KCNG2: variants seen among roughly 807,000 people sequenced by gnomAD.
KCNG2 encodes the protein potassium voltage-gated channel modifier subfamily G member 2.
KCNG2 carries 7 observed loss-of-function variants against 12.3 expected under a neutral mutation model. The observed-to-expected ratio is 0.57, with a 90% CI of 0.32 to 1.07. KCNG2 has a LOEUF of 1.07. Ranked by LOEUF, KCNG2 falls within the 50% of genes least tolerant of loss-of-function variation. The pLI is 0.04. For synonymous variants in KCNG2, 414 were observed against 351.4 expected (o/e 1.18, Z -1.99); for missense variants, 703 against 726.0 (o/e 0.97, Z 0.36).
At chr18:79,883,378 G>T (rs1006876054) in intron 3 of KCNG2, among the ~76,000 whole-genome samples, 2 of 152,236 alleles carry the variant, frequency 1.3e-5, no homozygotes, top group African/African-American at 4.8e-5. Context: ...ATAAAGCTGA[G>T]CTCTGATGAG....
intron 3 of KCNG2, among the ~76,000 whole-genome samples, chr18:79,880,622 A>C (rs549560794): frequency 6.6e-6 from 1 of 152,304 alleles, no homozygotes; most frequent in South Asian, 2.1e-4. Context: ...TACTCCTCTG[A>C]TACCAAACCA....
intron 3 of KCNG2, among the ~76,000 whole-genome samples, chr18:79,870,406 G>A (rs934834561): frequency 6.6e-6 from 1 of 152,096 alleles, no homozygotes; most frequent in African/African-American, 2.4e-5. Flanking sequence ...GCTGGTGGAT[G>A]TGGCCTGGTG....
chr18:79,836,159 CA>C (rs1568251362), intron 1 of KCNG2, among the ~76,000 whole-genome samples: 1 of 152,050 alleles, frequency 6.6e-6, no homozygotes, highest in African/African-American at 2.4e-5. Flanking sequence ...ACAATATAGG[CA>C]GGTTGAAAAT....
intron 1 of KCNG2, among the ~76,000 whole-genome samples, chr18:79,839,554 T>A (rs1175312439): frequency 6.6e-6 from 1 of 152,186 alleles, no homozygotes; most frequent in Non-Finnish European, 1.5e-5. Context: ...CTATAACTGT[T>A]AATAAACTTG....
chr18:79,896,889 A>G (rs1486585948), intron 3 of KCNG2, among the ~76,000 whole-genome samples: 1 of 152,126 alleles, frequency 6.6e-6, no homozygotes, highest in African/African-American at 2.4e-5. Flanking sequence ...TCCTTTGAGC[A>G]CTTTGGATGT....
chr18:79,894,556 A>T lies in KCNG2; in HGVS notation c.625-4484A>T, dbSNP rs533036318. 2.0e-5 allele frequency among the ~76,000 whole-genome samples: 3 copies of T among 150,520 alleles called. No homozygotes were observed. The East Asian group carries it at 6.0e-4, about 30-fold the overall frequency. ...TCACTCCATTCATAACGATTGATAT[A>T]GTTGGGTCTGTGTCTGCTTTTGATT... On this transcript the variant is annotated intron_variant, in intron 3 of 3. Coordinates refer to ENST00000316249, the MANE Select transcript of KCNG2 (RefSeq NM_012283.2).
At chr18:79,883,712 G>C (rs74478968) in intron 3 of KCNG2, among the ~76,000 whole-genome samples, 49 of 152,342 alleles carry the variant, frequency 3.2e-4, no homozygotes, top group Non-Finnish European at 6.3e-4. Flanking sequence ...GTCTGGTAAA[G>C]GTGAGGATGT....
intron 1 of KCNG2, among the ~76,000 whole-genome samples, chr18:79,851,285 G>A (rs1195238377): frequency 1.3e-5 from 2 of 152,144 alleles, no homozygotes; most frequent in Non-Finnish European, 2.9e-5. Context: ...AGCAAAATTG[G>A]GAATGCTTCT....
chr18:79,879,121 T>C (rs1980195043), intron 3 of KCNG2, among the ~76,000 whole-genome samples: 1 of 152,164 alleles, frequency 6.6e-6, no homozygotes, highest in Non-Finnish European at 1.5e-5. Flanking sequence ...AACCTGCCCA[T>C]AGACCCCTCC....
chr18:79,848,247 T>C (rs1228627652), intron 1 of KCNG2, among the ~76,000 whole-genome samples: 3 of 152,142 alleles, frequency 2.0e-5, no homozygotes, highest in Non-Finnish European at 4.4e-5. Flanking sequence ...TGGAAGGAAA[T>C]GTTATAATTA....
chr18:79,833,309 G>A (rs142973783), intron 1 of KCNG2, among the ~76,000 whole-genome samples: 218 of 152,094 alleles, frequency 1.4e-3, no homozygotes, highest in African/African-American at 5.0e-3. Flanking sequence ...CTAATTTCTT[G>A]TTTATTTTTT....
chr18:79,828,134 A>C (rs1028826871), intron 1 of KCNG2, among the ~76,000 whole-genome samples: 3 of 152,154 alleles, frequency 2.0e-5, no homozygotes, highest in Non-Finnish European at 4.4e-5. Flanking sequence ...CATGTTGGCC[A>C]GTCTGGTCTT....
intron 3 of KCNG2, among the ~76,000 whole-genome samples, chr18:79,864,962 C>CT: frequency 2.2e-5 from 2 of 90,068 alleles, no homozygotes; most frequent in African/African-American, 6.9e-5. Context: ...GTTCTGTGTG[C>CT]GGAAGTCTGG....
intron 3 of KCNG2, among the ~76,000 whole-genome samples, chr18:79,895,980 T>G (rs1285082922): frequency 6.6e-6 from 1 of 152,240 alleles, no homozygotes; most frequent in Non-Finnish European, 1.5e-5. Context: ...ATGTATTTTT[T>G]TTTGAGATGG....
At chr18:79,821,568 G>A (rs540883252) in intron 1 of KCNG2, among the ~76,000 whole-genome samples, 1 of 152,190 alleles carries the variant, frequency 6.6e-6, no homozygotes. Flanking sequence ...GGGATTACAG[G>A]CGTGAGCCAC....
chr18:79,881,643 G>A (rs773091485), intron 3 of KCNG2, among the ~76,000 whole-genome samples: 6 of 152,186 alleles, frequency 3.9e-5, no homozygotes, highest in South Asian at 2.1e-4. Flanking sequence ...GTGCTCACGC[G>A]CTGAAGACTC....
At chr18:79,813,902 G>C (rs1357635492) in intron 1 of KCNG2, among the ~76,000 whole-genome samples, 3 of 152,158 alleles carry the variant, frequency 2.0e-5, no homozygotes, top group Non-Finnish European at 4.4e-5. Context: ...TAAATCACCG[G>C]TAAACAAATA....
intron 3 of KCNG2, 64 bp downstream of exon 3, chr18:79,864,355 C>T: frequency 2.5e-5 from 2 of 80,348 alleles, no homozygotes; most frequent in Non-Finnish European, 4.8e-5. Context: ...ATCTGGGCTG[C>T]GGGGAGGTGG....
intron 1 of KCNG2, among the ~76,000 whole-genome samples, chr18:79,806,486 G>T (rs2087450970): frequency 6.6e-6 from 1 of 152,176 alleles, no homozygotes; most frequent in African/African-American, 2.4e-5. Context: ...ACTGGTTGCT[G>T]GGGGCCCCTG....
Sources: allele counts gnomAD v4.1 joint callset (sites outside exome capture counted in the v4.1 genomes callset), GRCh38; gene constraint gnomAD v4.1.1; transcripts MANE v1.5; gene names NCBI Gene and HGNC (gene_info 2026-07-23, HGNC 2026-07-21).